The following CPQ variants were observed in gnomAD, a reference collection of about 807,000 sequenced individuals.
The protein encoded by CPQ is carboxypeptidase Q.
Under a neutral mutation model 45.7 loss-of-function variants are expected in CPQ, and 37 were observed. The observed-to-expected ratio is 0.81, with a 90% CI of 0.62 to 1.07. The LOEUF is 1.07. CPQ is among the 50% of genes least tolerant of loss of function. The pLI, the probability that CPQ is intolerant of heterozygous loss-of-function variation, is 0.00. For synonymous variants in CPQ, 186 were observed against 205.8 expected, an observed-to-expected ratio of 0.90 and a Z score of 0.82; for missense variants, 537 against 572.9, an observed-to-expected ratio of 0.94 and a Z score of 0.64.
chr8:97,066,941 T>C (rs1810647932), intron 7 of CPQ, among the ~76,000 whole-genome samples: 1 of 143,836 alleles, frequency 7.0e-6, no homozygotes, highest in African/African-American at 2.7e-5. Context: ...TTTTTTTTTT[T>C]TTTTAGACAG....
intron 4 of CPQ, among the ~76,000 whole-genome samples, chr8:96,891,742 G>T (rs1336281418): frequency 2.0e-5 from 3 of 152,022 alleles, no homozygotes; most frequent in Non-Finnish European, 4.4e-5. Context: ...TTGTCAAATT[G>T]CCCTCATAGC....
chr8:96,925,462 C>A (rs971067321), intron 4 of CPQ, among the ~76,000 whole-genome samples: 3 of 151,594 alleles, frequency 2.0e-5, no homozygotes, highest in Non-Finnish European at 4.4e-5. Flanking sequence ...TGGCTCACTG[C>A]AACCCCGTCT....
chr8:96,956,344 A>G (rs1187034266), intron 4 of CPQ, among the ~76,000 whole-genome samples: 1 of 152,144 alleles, frequency 6.6e-6, no homozygotes, highest in African/African-American at 2.4e-5. Flanking sequence ...ATTATGCTTC[A>G]TGTTAGCTTT....
intron 1 of CPQ, among the ~76,000 whole-genome samples, chr8:96,664,971 A>C (rs781343141): frequency 2.0e-5 from 3 of 152,238 alleles, no homozygotes; most frequent in African/African-American, 4.8e-5. Context: ...TATGACAGCA[A>C]TGCTTCCCTT....
Position 96,744,565 on chromosome 8 carries a change from C to CT in CPQ, c.-34-40292dup, listed in dbSNP as rs969885577. Reference sequence around the variant, plus strand: ...TGAATTGAGATTTTTATGTAGTCATCTTTTTTTATCAATAATCCTTTTGCC... The same window carrying CT: ...TGAATTGAGATTTTTATGTAGTCATCTTTTTTTTATCAATAATCCTTTTGCC... On this transcript the variant is annotated intron_variant, in intron 1 of 7. Transcript: ENST00000220763. 5.3e-5 allele frequency among the ~76,000 whole-genome samples: 8 copies of CT among 152,188 alleles called. 1 individual carries two copies. In the South Asian group the frequency reaches 1.0e-3, roughly 20 times the overall value.
chr8:96,973,252 C>T (rs1224238581), intron 5 of CPQ, among the ~76,000 whole-genome samples: 1 of 151,668 alleles, frequency 6.6e-6, no homozygotes, highest in Non-Finnish European at 1.5e-5. Context: ...TGGAATGGAA[C>T]AAGCAGAAGA....
At chr8:96,796,337 G>A (rs192080360) in intron 2 of CPQ, among the ~76,000 whole-genome samples, 14 of 151,676 alleles carry the variant, frequency 9.2e-5, no homozygotes, top group African/African-American at 3.4e-4. Flanking sequence ...TTTTTCTACT[G>A]GTGCTTTAAT....
rs1491320839 is a variant in CPQ at position 96,770,725 on chromosome 8, A to AT, written c.-34-14139_-34-14138insT. Among the ~76,000 whole-genome samples the AT allele has an allele frequency of 4.3e-4, 63 of 147,204 alleles. No homozygotes were observed. The East Asian group carries it at 6.7e-3, about 16-fold the overall frequency. ...TTATATATATATATTATATATATAT[A>AT]AAATATATAATATGTACATATATAG... is the stretch of plus-strand genomic sequence containing the variant. On this transcript the variant is annotated intron_variant, in intron 1 of 7. Coordinates refer to ENST00000220763, the MANE Select transcript of CPQ (RefSeq NM_016134.4).
chr8:96,669,646 A>G (rs1808976348), intron 1 of CPQ, among the ~76,000 whole-genome samples: 1 of 152,268 alleles, frequency 6.6e-6, no homozygotes, highest in South Asian at 2.1e-4. Context: ...AAGTTCTAAT[A>G]TATCAACAAT....
chr8:97,097,724 A>G (rs1811231871), intron 7 of CPQ, among the ~76,000 whole-genome samples: 2 of 152,176 alleles, frequency 1.3e-5, no homozygotes, highest in African/African-American at 4.8e-5. Context: ...CCAGACTTCT[A>G]TCTACTGACC....
intron 1 of CPQ, among the ~76,000 whole-genome samples, chr8:96,717,259 G>A (rs1809694879): frequency 6.6e-6 from 1 of 151,436 alleles, no homozygotes; most frequent in Non-Finnish European, 1.5e-5. Context: ...GGGATTGCTA[G>A]ATCAAATGGT....
intron 4 of CPQ, among the ~76,000 whole-genome samples, chr8:96,956,270 C>T (rs904801059): frequency 2.6e-5 from 4 of 152,144 alleles, no homozygotes; most frequent in Admixed American, 6.6e-5. Context: ...TCCCCCTACT[C>T]CTTATCCTTG....
chr8:97,128,032 A>G (rs1053011598), intron 7 of CPQ, among the ~76,000 whole-genome samples: 2 of 152,242 alleles, frequency 1.3e-5, no homozygotes, highest in African/African-American at 2.4e-5. Flanking sequence ...AGGTGTGTTC[A>G]TTCGCCAAAA....
At chr8:96,887,315 A>T (rs547562283) in intron 4 of CPQ, among the ~76,000 whole-genome samples, 1 of 152,338 alleles carries the variant, frequency 6.6e-6, no homozygotes, top group South Asian at 2.1e-4. Flanking sequence ...CAGTGATAAC[A>T]TCTTACGTAA....
At chr8:96,700,517 G>A (rs112514977) in intron 1 of CPQ, among the ~76,000 whole-genome samples, 3,683 of 152,254 alleles carry the variant, frequency 0.024, 163 homozygotes, top group African/African-American at 0.084. Flanking sequence ...TCTCAGTCAT[G>A]TATAGTGCTG....
At chr8:96,678,434 T>A (rs905135825) in intron 1 of CPQ, among the ~76,000 whole-genome samples, 1 of 152,068 alleles carries the variant, frequency 6.6e-6, no homozygotes, top group Admixed American at 6.6e-5. Context: ...AAACACCCAA[T>A]AGTGGGATTG....
chr8:97,140,656 C>T (rs1812142618), intron 7 of CPQ, among the ~76,000 whole-genome samples: 2 of 151,876 alleles, frequency 1.3e-5, no homozygotes, highest in Admixed American at 1.3e-4. Context: ...ATAGATATTA[C>T]CACAATTCTG....
At chr8:96,900,104 T>C (rs1289252929) in intron 4 of CPQ, among the ~76,000 whole-genome samples, 1 of 152,168 alleles carries the variant, frequency 6.6e-6, no homozygotes, top group East Asian at 1.9e-4. Context: ...AATGTTACAG[T>C]TGAGAAAAGG....
chr8:96,838,673 T>A (rs138036138), intron 3 of CPQ, among the ~76,000 whole-genome samples: 2 of 152,092 alleles, frequency 1.3e-5, no homozygotes, highest in Admixed American at 1.3e-4. Context: ...TTTTTTAACC[T>A]CTGGATTCCT....
Sources: allele counts gnomAD v4.1 joint callset (sites outside exome capture counted in the v4.1 genomes callset), GRCh38; gene constraint gnomAD v4.1.1; transcripts MANE v1.5; gene names NCBI Gene and HGNC (gene_info 2026-07-23, HGNC 2026-07-21).